The following UBE2O variants were observed in gnomAD, a reference collection of about 807,000 sequenced individuals.
UBE2O encodes (E3-independent) E2 ubiquitin-conjugating enzyme.
UBE2O carries 15 observed loss-of-function variants against 125.8 expected under a neutral mutation model. That is an observed-to-expected ratio of 0.12 (90% CI 0.08 to 0.18). The LOEUF (loss-of-function observed/expected upper bound fraction) is 0.18. UBE2O is among the 10% of genes least tolerant of loss of function. The probability of loss-of-function intolerance (pLI) is 1.00; values close to 1 mark genes in which losing one functional copy is unlikely to be tolerated. For missense variants in UBE2O, 1,280 were observed against 1,723.6 expected (o/e 0.74, Z 4.56); for synonymous variants, 708 against 703.2 (o/e 1.01, Z -0.11).
chr17:76,442,274 C>G (rs982545586), intron 1 of UBE2O, among the ~76,000 whole-genome samples: 1 of 152,156 alleles, frequency 6.6e-6, no homozygotes, highest in Non-Finnish European at 1.5e-5. Context: ...ATTAGGATGC[C>G]CATACGTCCC....
intron 1 of UBE2O, among the ~76,000 whole-genome samples, chr17:76,422,220 C>T (rs980307571): frequency 2.6e-5 from 4 of 152,192 alleles, no homozygotes; most frequent in Admixed American, 6.5e-5. Flanking sequence ...TCATTCACAG[C>T]CTGAGTGGTC....
chr17:76,397,898 A>G lies in UBE2O; in HGVS notation c.2026-10T>C. 2 of 1,613,724 alleles carry G rather than the reference A, an allele frequency of 1.2e-6. No individual in the cohort carries two copies. The highest frequency in any genetic ancestry group is 8.5e-7 in the Non-Finnish European group (1 of 1,179,924). On this transcript the variant is annotated splice_polypyrimidine_tract_variant and intron_variant, in intron 12 of 17. Transcript: ENST00000319380. ...CCTGGCCCACCGATGGCTGCTGGGC[A>G]AAGGGGACAAAGTCAGGGGGCCCAG...
chr17:76,394,880 AT>A (rs200705112), intron 15 of UBE2O, among the ~76,000 whole-genome samples: 157 of 147,966 alleles, frequency 1.1e-3, no homozygotes, highest in Admixed American at 4.2e-3. Flanking sequence ...TTTCAAAGTA[AT>A]TTTTTTTTTT....
Position 76,399,768 on chromosome 17 carries a change from C to A in UBE2O, c.1309G>T (p.Asp437Tyr), listed in dbSNP as rs758865506. 3 of 1,614,220 alleles carry A rather than the reference C, an allele frequency of 1.9e-6. No homozygotes were observed. Among genetic ancestry groups the A allele is most frequent in the Admixed American group, 3.3e-5 (2 of 60,028 alleles). Residue 437 changes from aspartate (D) to tyrosine (Y), a missense_variant, in exon 9 of 18, where the codon GAT (aspartate) becomes TAT (tyrosine). Physicochemically the swap from Asp to Tyr is radical, Grantham distance 160. This residue lies in a region of UBE2O where 141 missense variants were observed against 141.3 expected (regional missense o/e 1.00). Transcript: ENST00000319380. This position sits in a 1 kb window ranked among gnomAD's most constrained non-coding sequence, Gnocchi z 6.9. ...ATCTCCACTGGACTGGCAGAGCCAT[C>A]GGGCGTCTCCTCAGGGCTGGCAGAC... Reference protein sequence around the residue: ...AESASPEETPDGSASPVEMQD... With the variant: ...AESASPEETPYGSASPVEMQD...
At chr17:76,430,432 A>C (rs1263024951) in intron 1 of UBE2O, 1 of 211,370 alleles carries the variant, frequency 4.7e-6, no homozygotes, top group Non-Finnish European at 9.6e-6. Context: ...TCATTCTTCT[A>C]AGAAGCCTGT....
At chr17:76,428,645 G>C (rs1304456348) in intron 1 of UBE2O, among the ~76,000 whole-genome samples, 1 of 152,066 alleles carries the variant, frequency 6.6e-6, no homozygotes, top group Non-Finnish European at 1.5e-5. Flanking sequence ...GAAGCTTTCT[G>C]AACATATCCA....
intron 1 of UBE2O, among the ~76,000 whole-genome samples, chr17:76,446,574 T>A (rs1387508773): frequency 6.6e-6 from 1 of 151,922 alleles, no homozygotes; most frequent in Non-Finnish European, 1.5e-5. Context: ...ACACGGAAAC[T>A]GAAGGGAACA....
intron 1 of UBE2O, among the ~76,000 whole-genome samples, chr17:76,432,619 T>C (rs185416511): frequency 6.6e-6 from 1 of 152,016 alleles, no homozygotes; most frequent in Admixed American, 6.6e-5. Context: ...AATCCCAACA[T>C]AATGCAAAAT....
chr17:76,422,363 G>T (rs2072725673), intron 1 of UBE2O, among the ~76,000 whole-genome samples: 2 of 152,174 alleles, frequency 1.3e-5, no homozygotes, highest in Admixed American at 1.3e-4. Context: ...TCCAGCAAGG[G>T]CTTGACACAG....
chr17:76,443,574 C>T (rs975025070), intron 1 of UBE2O, among the ~76,000 whole-genome samples: 11 of 149,546 alleles, frequency 7.4e-5, no homozygotes, highest in Admixed American at 4.8e-4. Context: ...CAGGCGTGAG[C>T]CACTGTGCCC....
chr17:76,441,709 G>A (rs1024368546), intron 1 of UBE2O, among the ~76,000 whole-genome samples: 16 of 152,208 alleles, frequency 1.1e-4, no homozygotes, highest in Admixed American at 7.9e-4. Context: ...GACCCTAGGT[G>A]ATGGCATGTG....
intron 1 of UBE2O, among the ~76,000 whole-genome samples, chr17:76,427,774 G>A (rs2079556892): frequency 6.6e-6 from 1 of 152,230 alleles, no homozygotes; most frequent in African/African-American, 2.4e-5. Flanking sequence ...ACACAATCCA[G>A]AGTGTGGGGC....
At chr17:76,419,319 C>A (rs1318611225) in intron 1 of UBE2O, among the ~76,000 whole-genome samples, 2 of 149,516 alleles carry the variant, frequency 1.3e-5, no homozygotes, top group African/African-American at 4.9e-5. Flanking sequence ...TCCCTTTCTC[C>A]TGAAACAAAA....
In UBE2O at chr17:76,399,892, C is replaced by T. The variant is rs375354678; in HGVS notation, c.1185G>A (p.Val395=). ...TGTCTGGGGAGCATGACATGATCCG[C>T]ACAACCTGCTTCTTCAACAGGCGCT... The part of the protein sequence containing the change: ...KVKRLLKKQV[V]RIMSCSPDTQ... Residue 395 remains valine, a synonymous_variant, in exon 9 of 18, where the codon GTG becomes GTA. Coordinates refer to ENST00000319380, the MANE Select transcript of UBE2O (RefSeq NM_022066.4). This position sits in a 1 kb window ranked among gnomAD's most constrained non-coding sequence, Gnocchi z 6.9. The T allele has an allele frequency of 5.6e-6, 9 of 1,609,940 alleles. No individual in the cohort carries two copies. Among genetic ancestry groups the T allele is most frequent in the Non-Finnish European group, 7.6e-6 (9 of 1,178,008 alleles).
chr17:76,390,697 T>G lies in UBE2O; in HGVS notation c.*246A>C. 1 of 408,688 alleles carries G rather than the reference T, an allele frequency of 2.4e-6. No homozygotes were observed. Among genetic ancestry groups the G allele is most frequent in the Non-Finnish European group, 4.4e-6 (1 of 228,110 alleles). The allele number at this position is 408,688 out of a possible 1,614,324, so 25.3% of individuals were successfully genotyped here. A position where few individuals can be genotyped will look rare whatever the true frequency, so the allele number is the denominator to read the frequency against. ...TTCTGCTGGGGTGACAAATGGAAAATCGGCAACAGGGTTCCGATTTTCTTT... is the reference window on the plus strand; with the variant it reads ...TTCTGCTGGGGTGACAAATGGAAAAGCGGCAACAGGGTTCCGATTTTCTTT... On this transcript the variant is annotated 3_prime_UTR_variant, in exon 18 of 18. Transcript: ENST00000319380.
chr17:76,405,289 C>T lies in UBE2O; in HGVS notation c.505G>A (p.Val169Ile), dbSNP rs1460986350. The T allele has an allele frequency of 3.1e-6, 5 of 1,613,076 alleles. No homozygotes were observed. The South Asian group carries it at 4.4e-5, about 14-fold the overall frequency. The change falls in exon 3 of 18, where the codon GTC (valine) becomes ATC (isoleucine). Residue 169 changes from valine to isoleucine, a missense_variant. Physicochemically the swap from Val to Ile is conservative, Grantham distance 29. Around this residue, in one of 10 missense-constraint regions of UBE2O, gnomAD observed 206 missense variants for 315.7 expected, o/e 0.65. Coordinates refer to ENST00000319380, the MANE Select transcript of UBE2O (RefSeq NM_022066.4). This position sits in a 1 kb window ranked among gnomAD's most constrained non-coding sequence, Gnocchi z 6.1. Reference sequence around the variant, plus strand: ...AGCTTGACGGCACAGTCGATGTTGACGTCGATCACCGTGCCACACTGACTG... The same window carrying T: ...AGCTTGACGGCACAGTCGATGTTGATGTCGATCACCGTGCCACACTGACTG... ...TDSQCGTVID[V>I]NIDCAVKLIG...
rs528144543 is a variant in UBE2O at position 76,391,641 on chromosome 17, T to C, written c.3209-28A>G. ...GTGTGGGCGGGACACCTTCCCTCAG[T>C]GGGTGAGAGAGGCCCACAATGCAGG... On this transcript the variant is annotated intron_variant, in intron 17 of 17. Coordinates refer to ENST00000319380, the MANE Select transcript of UBE2O (RefSeq NM_022066.4). The surrounding 1 kb of genome is among the most constrained non-coding windows in gnomAD (Gnocchi z 8.4). 7 of 1,603,090 alleles carry C rather than the reference T, an allele frequency of 4.4e-6. No individual in the cohort carries two copies. The highest frequency in any genetic ancestry group is 1.7e-5 in the Admixed American group (1 of 59,662).
At chr17:76,429,126 TC>T (rs1278567892) in intron 1 of UBE2O, among the ~76,000 whole-genome samples, 1 of 151,928 alleles carries the variant, frequency 6.6e-6, no homozygotes. Flanking sequence ...GGTCTCGAAC[TC>T]CTGACCTCGT....
intron 1 of UBE2O, among the ~76,000 whole-genome samples, chr17:76,449,444 G>A (rs1383058508): frequency 3.9e-5 from 6 of 152,190 alleles, no homozygotes; most frequent in African/African-American, 1.2e-4. Flanking sequence ...GTGTGATGGC[G>A]CATGCCCATA....
Sources: gnomAD v4.1 joint callset for allele counts (sites outside exome capture counted in the v4.1 genomes callset) on GRCh38, gnomAD v4.1.1 for gene constraint, gnomAD v4.1.1 regional missense constraint, Gnocchi (gnomAD v3.1) non-coding constraint, MANE v1.5 for transcripts, NCBI Gene and HGNC (gene_info 2026-07-23, HGNC 2026-07-21) for gene names.